The following CHD1 variants were observed in gnomAD, a reference collection of about 807,000 sequenced individuals.
The protein encoded by CHD1 is chromodomain helicase DNA binding protein 1, also known as ATP-dependent chromatin remodeler CHD1.
CHD1 carries 36 observed loss-of-function variants against 224.2 expected under a neutral mutation model. That is an observed-to-expected ratio of 0.16 (90% confidence interval 0.12 to 0.21). The LOEUF (loss-of-function observed/expected upper bound fraction) is 0.21. Among genes scored for constraint, CHD1 ranks in the 10% least tolerant of loss-of-function variants. The pLI, the probability that CHD1 is intolerant of heterozygous loss-of-function variation, is 1.00. For missense variants in CHD1, 1,378 were observed against 1,994.8 expected (o/e 0.69, Z 5.89); for synonymous variants, 668 against 658.3 (o/e 1.01, Z -0.23).
chr5:98,865,918 C>T (rs1395097528), intron 31 of CHD1, among the ~76,000 whole-genome samples: 1 of 149,560 alleles, frequency 6.7e-6, no homozygotes, highest in Non-Finnish European at 1.5e-5. Flanking sequence ...CCAGCAGTTA[C>T]ATGAAAAAGT....
At chr5:98,902,812 CTT>C in intron 5 of CHD1, 86 bp downstream of exon 5, 1 of 804,932 alleles carries the variant, frequency 1.2e-6, no homozygotes, top group East Asian at 2.7e-5. Context: ...GAAGAGTCTC[CTT>C]TTGGCAACAA....
intron 35 of CHD1, among the ~76,000 whole-genome samples, chr5:98,857,448 G>GTGT (rs1294393407): frequency 6.6e-6 from 1 of 151,946 alleles, no homozygotes; most frequent in Non-Finnish European, 1.5e-5. Context: ...TACAACTGAT[G>GTGT]TGTTCATAGT....
In CHD1 at chr5:98,904,943, C is replaced by T. The variant is rs1048220253; in HGVS notation, c.209G>A (p.Arg70Gln). 13 of 1,613,788 alleles carry T rather than the reference C, an allele frequency of 8.1e-6. No individual in the cohort carries two copies. The highest frequency in any genetic ancestry group is 1.1e-5 in the Non-Finnish European group (13 of 1,179,772). ...TGGTTTTGCTTGAACTTTGTTTTCT[C>T]GGGAAGTGTCTGACTCAGACTCTGA... ...SQSESESDTSRENKVQAKPPK... is the reference protein window; with the variant it reads ...SQSESESDTSQENKVQAKPPK... Residue 70 changes from arginine to glutamine, a missense_variant, in exon 3 of 36, where the codon CGA becomes CAA. Arg to Gln is a conservative substitution (Grantham distance 43). Coordinates refer to ENST00000614616, the MANE Select transcript of CHD1 (RefSeq NM_001270.4).
chr5:98,889,418 A>G (rs1750860042), intron 15 of CHD1, among the ~76,000 whole-genome samples, 180 bp from the exon 16 acceptor site: 1 of 152,144 alleles, frequency 6.6e-6, no homozygotes, highest in African/African-American at 2.4e-5. Flanking sequence ...TGAGAACACA[A>G]CTTGTTTTCT....
intron 8 of CHD1, 63 bp from the exon 9 acceptor site, chr5:98,898,827 C>T (rs1429739261): frequency 6.9e-6 from 6 of 874,214 alleles, no homozygotes; most frequent in East Asian, 2.4e-5. Context: ...TTCACTCCCC[C>T]ATCCCCAACA....
intron 23 of CHD1, 98 bp from the exon 24 acceptor site, chr5:98,876,656 T>A: frequency 9.7e-7 from 1 of 1,026,494 alleles, no homozygotes; most frequent in Non-Finnish European, 1.4e-6. Flanking sequence ...TTAAAAATGT[T>A]ATTAAATGTA....
chr5:98,905,139 G>A, intron 2 of CHD1, 41 bp from the exon 3 acceptor site: 2 of 1,605,374 alleles, frequency 1.2e-6, no homozygotes, highest in Non-Finnish European at 8.5e-7. Context: ...AAATTCATTA[G>A]GAATTTAATT....
rs758878009 is a variant in CHD1 at position 98,898,370 on chromosome 5, T to G, written c.1251A>C (p.Pro417=). Residue 417 remains proline, a synonymous_variant, in exon 10 of 36, where the codon CCA becomes CCC. Coordinates refer to ENST00000614616, the MANE Select transcript of CHD1 (RefSeq NM_001270.4). ...PDYYCKWQGL[P]YSECSWEDGA... ...CATCTTCCCAGCTGCACTCTGAGTA[T>G]GGAAGGCCCTGCCATTTGCAGTAAT... 1 of 1,602,006 alleles carries G rather than the reference T, an allele frequency of 6.2e-7. No homozygotes were observed. Among genetic ancestry groups the G allele is most frequent in the Non-Finnish European group, 8.5e-7 (1 of 1,175,018 alleles).
intron 2 of CHD1, among the ~76,000 whole-genome samples, chr5:98,915,337 C>T (rs1164265036): frequency 2.6e-5 from 4 of 152,094 alleles, no homozygotes; most frequent in African/African-American, 9.7e-5. Context: ...GCTTAAAGTA[C>T]AATATGATTC....
intron 25 of CHD1, among the ~76,000 whole-genome samples, chr5:98,874,136 T>C (rs937477443): frequency 2.0e-5 from 3 of 152,148 alleles, no homozygotes; most frequent in African/African-American, 7.2e-5. Context: ...CTAAAATAAT[T>C]ATGCAAGTAT....
At chr5:98,895,019 C>T (rs541262013) in intron 12 of CHD1, among the ~76,000 whole-genome samples, 69 of 152,050 alleles carry the variant, frequency 4.5e-4, no homozygotes, top group Non-Finnish European at 9.0e-4. Context: ...CAGGGTATCT[C>T]CATGTTGGTC....
intron 2 of CHD1, among the ~76,000 whole-genome samples, chr5:98,909,527 A>C (rs1240259837): frequency 2.0e-5 from 3 of 152,128 alleles, no homozygotes; most frequent in Non-Finnish European, 2.9e-5. Context: ...TTTAGCAGCC[A>C]CTGATGATGA....
chr5:98,888,908 T>G (rs1224055394), intron 16 of CHD1, among the ~76,000 whole-genome samples, 168 bp downstream of exon 16: 3 of 152,198 alleles, frequency 2.0e-5, no homozygotes, highest in Non-Finnish European at 4.4e-5. Flanking sequence ...AATTAGAATT[T>G]TAAAGTCTTT....
rs772128044 is a variant in CHD1 at position 98,899,689 on chromosome 5, T to A, written c.876A>T (p.Thr292=). The change falls in exon 8 of 36, where the codon ACA becomes ACT. Residue 292 remains threonine, a synonymous_variant. Coordinates refer to ENST00000614616, the MANE Select transcript of CHD1 (RefSeq NM_001270.4). ...CATCTGCTTCAACTGCATAGATGGT[T>A]GTAGTAGCACCAGTAGCTGAAAACA... ...IGRKGATGAT[T]TIYAVEADGD... is the part of the protein sequence containing the mutation. 6.2e-7 allele frequency: 1 copy of A among 1,612,376 alleles called. No homozygotes were observed. The highest frequency in any genetic ancestry group is 1.1e-5 in the South Asian group (1 of 90,944).
intron 2 of CHD1, among the ~76,000 whole-genome samples, chr5:98,923,330 T>G (rs1753228400): frequency 6.6e-6 from 1 of 151,982 alleles, no homozygotes; most frequent in Non-Finnish European, 1.5e-5. Flanking sequence ...AATTAACAAC[T>G]CCGAATAATT....
chr5:98,855,906 A>G lies in CHD1; in HGVS notation c.*474T>C, dbSNP rs1401400287. On this transcript the variant is annotated 3_prime_UTR_variant, in exon 36 of 36. Coordinates refer to ENST00000614616, the MANE Select transcript of CHD1 (RefSeq NM_001270.4). ...AAAAGCGGCAAGGTGGTCGCAGTGTACAATGTAAACAAGTAGCTTTGGAAA... is the reference window on the plus strand; with the variant it reads ...AAAAGCGGCAAGGTGGTCGCAGTGTGCAATGTAAACAAGTAGCTTTGGAAA... The G allele has an allele frequency of 6.5e-6, 1 of 154,070 alleles. No individual in the cohort carries two copies. The highest frequency in any genetic ancestry group is 1.4e-5 in the Non-Finnish European group (1 of 69,236). 9.5% of individuals were successfully genotyped at this position (154,070 alleles called of 1,614,324 possible).
chr5:98,876,596 A>G, intron 23 of CHD1, 38 bp from the exon 24 acceptor site: 1 of 1,567,354 alleles, frequency 6.4e-7, no homozygotes, highest in Non-Finnish European at 8.8e-7. Flanking sequence ...TTAGTGTAAA[A>G]ACAGCTTGTA....
At chr5:98,898,464 ATTTAT>A in intron 9 of CHD1, 30 bp from the exon 10 acceptor site, 1 of 1,484,976 alleles carries the variant, frequency 6.7e-7, no homozygotes, top group South Asian at 1.4e-5. Context: ...TTACTTATTT[ATTTAT>A]TTTTTTTTAC....
At position 98,869,782 on chromosome 5, in the gene CHD1, G is replaced by A. The variant is rs150770889; in HGVS notation, c.4079C>T (p.Ser1360Leu). The A allele has an allele frequency of 4.5e-5, 73 of 1,613,338 alleles. No homozygotes were observed. Among genetic ancestry groups the A allele is most frequent in the Non-Finnish European group, 6.2e-5 (73 of 1,179,576 alleles). Reference sequence around the variant, plus strand: ...ATCATCATCTTCATCAGACTTCTCTGAAGGCAGAGGAGAAGAATCACTCTT... The same window carrying A: ...ATCATCATCTTCATCAGACTTCTCTAAAGGCAGAGGAGAAGAATCACTCTT... ...EIKSDSSPLPSEKSDEDDDKL... is the reference protein window; with the variant it reads ...EIKSDSSPLPLEKSDEDDDKL... Residue 1360 changes from serine (S) to leucine (L), a missense_variant, in exon 30 of 36, where the codon TCA (serine) becomes TTA (leucine). Coordinates refer to ENST00000614616, the MANE Select transcript of CHD1 (RefSeq NM_001270.4).
Sources: gnomAD v4.1 joint callset for allele counts (sites outside exome capture counted in the v4.1 genomes callset) on GRCh38, gnomAD v4.1.1 for gene constraint, MANE v1.5 for transcripts, NCBI Gene and HGNC (gene_info 2026-07-23, HGNC 2026-07-21) for gene names.